RAB40A: variants seen among roughly 807,000 people sequenced by gnomAD.
RAB40A encodes the protein RAB40A, member RAS oncogene family, also known as ras-related protein Rab-40A.
For synonymous variants in RAB40A, 65 were observed against 99.9 expected (o/e 0.65, Z 2.08); for missense variants, 145 against 230.2 (o/e 0.63, Z 2.40).
the RAB40A span, among the ~76,000 whole-genome samples, chrX:103,493,621 T>G: frequency 1.8e-5 from 2 of 111,826 alleles, no homozygotes; most frequent in African/African-American, 6.5e-5. Flanking sequence ...CCTTCTAGTC[T>G]CTACCTCCAT....
At chrX:103,498,455 T>C (rs2073196952), downstream of RAB40A, among the ~76,000 whole-genome samples, 1 of 112,668 alleles carries the variant, frequency 8.9e-6, no homozygotes, top group African/African-American at 3.2e-5. Context: ...GAAAGCAAGA[T>C]TTGCTTGGTT....
chrX:103,508,262 C>T (rs1424583730), intron 2 of RAB40A, among the ~76,000 whole-genome samples: 1 of 111,388 alleles, frequency 9.0e-6, no homozygotes, highest in Non-Finnish European at 1.9e-5. Context: ...TGGAATCTGA[C>T]CATTTCTCAA....
At chrX:103,510,003 A>T (rs1395153798) in intron 2 of RAB40A, among the ~76,000 whole-genome samples, 4 of 110,587 alleles carry the variant, frequency 3.6e-5, no homozygotes, top group Admixed American at 2.9e-4. Context: ...ACAGGGTTTC[A>T]CCATGTTGGT....
chrX:103,515,588 C>A (rs1031185331), intron 2 of RAB40A, among the ~76,000 whole-genome samples: 1 of 111,989 alleles, frequency 8.9e-6, no homozygotes, highest in Non-Finnish European at 1.9e-5. Flanking sequence ...TAGCAATATG[C>A]TAATTTTATT....
At chrX:103,504,687 AATT>A (rs2073246027) in intron 2 of RAB40A, among the ~76,000 whole-genome samples, 1 of 110,553 alleles carries the variant, frequency 9.0e-6, no homozygotes. Flanking sequence ...ACACCCGACT[AATT>A]ATTATATTTT....
At chrX:103,498,147 T>C (rs367995719), downstream of RAB40A, among the ~76,000 whole-genome samples, 5 of 111,188 alleles carry the variant, frequency 4.5e-5, no homozygotes, top group East Asian at 1.1e-3. Context: ...TCTTTCAAGG[T>C]TGATTTGGTA....
intron 2 of RAB40A, among the ~76,000 whole-genome samples, chrX:103,507,882 G>T (rs191290972): frequency 5.4e-5 from 6 of 111,840 alleles, no homozygotes; most frequent in African/African-American, 1.9e-4. Flanking sequence ...CCTCTCACTG[G>T]CCCAGCTCCC....
the RAB40A span, among the ~76,000 whole-genome samples, chrX:103,493,277 A>C: frequency 9.0e-6 from 1 of 111,492 alleles, no homozygotes; most frequent in Admixed American, 9.8e-5. Context: ...TGAGGGTTTT[A>C]AAATCTTTTA....
At chrX:103,497,228 C>G (rs1460917333), downstream of RAB40A, among the ~76,000 whole-genome samples, 1 of 111,531 alleles carries the variant, frequency 9.0e-6, no homozygotes, top group African/African-American at 3.3e-5. Context: ...CTTCTTAGGT[C>G]TAGAAACTGA....
At position 103,500,649 on chromosome X, in the gene RAB40A, A is replaced by G. The variant is rs777044855; in HGVS notation, c.108T>C (p.Asp36=). The G allele has an allele frequency of 5.0e-6, 6 of 1,207,342 alleles. No homozygotes were observed. Among genetic ancestry groups the G allele is most frequent in the Admixed American group, 2.2e-5 (1 of 45,524 alleles). ...GGCTGTACGGGGACTCAGCTGCACC[A>G]TCCTGCAGGCTCTCCAGGATCTCAC... ...GKSEILESLQ[D]GAAESPYSHL... The change falls in exon 3 of 3, where the codon GAT becomes GAC. Residue 36 remains aspartate (D), a synonymous_variant. Transcript: ENST00000304236.
intron 2 of RAB40A, among the ~76,000 whole-genome samples, chrX:103,514,598 G>T (rs767614162): frequency 1.8e-5 from 2 of 111,491 alleles, no homozygotes; most frequent in Admixed American, 1.9e-4. Context: ...TGATCCACCC[G>T]TCTCAACCTC....
At chrX:103,502,798 T>G (rs1182834730) in intron 2 of RAB40A, 1 of 748,930 alleles carries the variant, frequency 1.3e-6, no homozygotes, top group African/African-American at 2.3e-5. Flanking sequence ...TGAGCTTGAT[T>G]ATCTGTGAGA....
At chrX:103,495,228 A>G (rs1352097933), downstream of RAB40A, among the ~76,000 whole-genome samples, 1 of 111,839 alleles carries the variant, frequency 8.9e-6, no homozygotes, top group Non-Finnish European at 1.9e-5. Context: ...TGGCTGGCAT[A>G]TAGAAACACT....
At chrX:103,505,928 G>A (rs2073252445) in intron 2 of RAB40A, among the ~76,000 whole-genome samples, 1 of 111,155 alleles carries the variant, frequency 9.0e-6, no homozygotes, top group Admixed American at 9.5e-5. Flanking sequence ...ATTCTTGTAC[G>A]TATCTAATTT....
At chrX:103,509,756 T>G (rs967679045) in intron 2 of RAB40A, among the ~76,000 whole-genome samples, 4 of 105,523 alleles carry the variant, frequency 3.8e-5, no homozygotes, top group African/African-American at 1.4e-4. Context: ...TATGACCAGT[T>G]TTTTCATCAT....
chrX:103,495,589 T>C (rs2073164476), downstream of RAB40A, among the ~76,000 whole-genome samples: 1 of 112,106 alleles, frequency 8.9e-6, no homozygotes, highest in Non-Finnish European at 1.9e-5. Context: ...ATAAGTGAAA[T>C]CAAACAATAT....
chrX:103,496,713 G>C (rs980377421), downstream of RAB40A, among the ~76,000 whole-genome samples: 1 of 112,305 alleles, frequency 8.9e-6, no homozygotes, highest in African/African-American at 3.2e-5. Context: ...GGATATGTTG[G>C]GGAAATGTTG....
rs1394803104 is a variant in RAB40A at position 103,500,774 on chromosome X, C to G, written c.-18G>C. On this transcript the variant is annotated 5_prime_UTR_variant, in exon 3 of 3. Transcript: ENST00000304236. ...GCGCTCATGGTGCTGGCCCCGCACT[C>G]CCGCCTGAGCCAGGCCCGCGGGGTT... The G allele has an allele frequency of 8.3e-7, 1 of 1,201,293 alleles. No individual in the cohort carries two copies. Among genetic ancestry groups the G allele is most frequent in the Admixed American group, 2.2e-5 (1 of 45,106 alleles).
intron 2 of RAB40A, among the ~76,000 whole-genome samples, chrX:103,509,289 ATCTCTCTCTCTCTCTC>A (rs373450734): frequency 2.9e-4 from 25 of 86,108 alleles, no homozygotes; most frequent in African/African-American, 1.0e-3. Flanking sequence ...CAGCCACAGG[ATCTCTCTCTCTCTCTC>A]TCTCTCTCTC....
Sources: allele counts gnomAD v4.1 joint callset (sites outside exome capture counted in the v4.1 genomes callset), GRCh38; gene constraint gnomAD v4.1.1; transcripts MANE v1.5; gene names NCBI Gene and HGNC (gene_info 2026-07-23, HGNC 2026-07-21).